CXADR: variants seen among roughly 807,000 people sequenced by gnomAD.
The protein encoded by CXADR is coxsackievirus and adenovirus receptor.
CXADR carries 20 observed loss-of-function variants against 40.3 expected under a neutral mutation model. The ratio of observed to expected loss-of-function variants is 0.50; its 90% CI spans 0.35 to 0.72. The LOEUF (loss-of-function observed/expected upper bound fraction) is 0.72. CXADR is among the 30% of genes least tolerant of loss of function. CXADR has a pLI of 0.01. For synonymous variants in CXADR, 150 were observed against 161.3 expected (o/e 0.93, Z 0.53); for missense variants, 332 against 449.1 (o/e 0.74, Z 2.36).
chr21:17,604,843 TA>T, the CXADR span: 2 of 1,609,340 alleles, frequency 1.2e-6, no homozygotes, highest in Non-Finnish European at 8.5e-7. Flanking sequence ...GTTCAGCCTC[TA>T]AACTTGAGAA....
intron 3 of CXADR, among the ~76,000 whole-genome samples, chr21:17,555,177 A>G (rs181399086): frequency 1.4e-4 from 22 of 152,176 alleles, no homozygotes; most frequent in Non-Finnish European, 2.8e-4. Flanking sequence ...GTTTATTGAA[A>G]CCTTTTGGTA....
the CXADR span, among the ~76,000 whole-genome samples, chr21:17,616,578 G>T: frequency 2.0e-5 from 3 of 151,924 alleles, no homozygotes; most frequent in African/African-American, 4.8e-5. Context: ...CTCATGATCT[G>T]CCAAAACAGT....
chr21:17,578,438 G>A (rs554268773), intron 7 of CXADR, among the ~76,000 whole-genome samples: 3 of 152,354 alleles, frequency 2.0e-5, no homozygotes, highest in East Asian at 3.9e-4. Flanking sequence ...CCTGGGGCAC[G>A]CAGGAACTAA....
chr21:17,626,083 A>G, the CXADR span, among the ~76,000 whole-genome samples: 1 of 152,124 alleles, frequency 6.6e-6, no homozygotes, highest in Non-Finnish European at 1.5e-5. Flanking sequence ...TTTCATTTGC[A>G]GCTGGTCTAC....
rs532541050 is a variant in CXADR at position 17,577,612 on chromosome 21, C to CTTTTTTTTTTTTTTT, written c.1017+12015_1017+12029dup. Among the ~76,000 whole-genome samples, 31 of 36,578 alleles carry CTTTTTTTTTTTTTTT rather than the reference C, an allele frequency of 8.5e-4. 3 individuals are homozygous for CTTTTTTTTTTTTTTT. Among genetic ancestry groups the CTTTTTTTTTTTTTTT allele is most frequent in the South Asian group, 3.8e-3 (2 of 530 alleles). The allele number at this position is 36,578 out of a possible 152,430, so 24.0% of individuals were successfully genotyped here. A position where few individuals can be genotyped will look rare whatever the true frequency, so the allele number is the denominator to read the frequency against. ...CTCACACGTCAGACCATTCTGCAAG[C>CTTTTTTTTTTTTTTT]TTTTTTTTTTTTTTTTTTTTTTTTT... On this transcript the variant is annotated intron_variant, in intron 7 of 7. Transcript: ENST00000400169.
chr21:17,549,027 C>T (rs2060933703), intron 2 of CXADR, among the ~76,000 whole-genome samples: 1 of 152,188 alleles, frequency 6.6e-6, no homozygotes, highest in Non-Finnish European at 1.5e-5. Flanking sequence ...TGGTTAAAAA[C>T]TAGGAATTGG....
Position 17,565,911 on chromosome 21 carries a change from C to T in CXADR, c.*219C>T, listed in dbSNP as rs2061202767. ...AAGAAAAGTTTACCATCTGAAAAAG[C>T]TGGATTTTCTTTAAGAGGTTGATTA... On this transcript the variant is annotated 3_prime_UTR_variant, in exon 7 of 7. Coordinates refer to ENST00000284878, the MANE Select transcript of CXADR (RefSeq NM_001338.5). 5.7e-6 allele frequency: 7 copies of T among 1,221,276 alleles called. No individual in the cohort carries two copies. The highest frequency in any genetic ancestry group is 7.2e-6 in the Non-Finnish European group (7 of 978,498). 75.7% of individuals were successfully genotyped at this position (1,221,276 alleles called of 1,614,324 possible).
At chr21:17,631,674 T>C in the CXADR span, among the ~76,000 whole-genome samples, 1 of 152,052 alleles carries the variant, frequency 6.6e-6, no homozygotes, top group South Asian at 2.1e-4. Flanking sequence ...CATGACAGTA[T>C]TAATGATTTT....
intron 1 of CXADR, among the ~76,000 whole-genome samples, chr21:17,534,162 C>T (rs1465094958): frequency 3.2e-5 from 4 of 123,242 alleles, no homozygotes; most frequent in African/African-American, 1.3e-4. Context: ...GGCTGGAGTG[C>T]AGTGGCGCGA....
chr21:17,618,937 T>C, the CXADR span, among the ~76,000 whole-genome samples: 1 of 152,176 alleles, frequency 6.6e-6, no homozygotes, highest in Admixed American at 6.5e-5. Flanking sequence ...ACAACACTAA[T>C]CTCCTTGTAG....
At chr21:17,630,269 C>T in the CXADR span, among the ~76,000 whole-genome samples, 6 of 152,118 alleles carry the variant, frequency 3.9e-5, no homozygotes, top group African/African-American at 9.7e-5. Flanking sequence ...GAGAGCAAAG[C>T]ACAATGAAGC....
At chr21:17,522,836 C>T (rs1472090174) in intron 1 of CXADR, among the ~76,000 whole-genome samples, 3 of 152,188 alleles carry the variant, frequency 2.0e-5, no homozygotes, top group African/African-American at 7.2e-5. Context: ...CAACTTTACC[C>T]ACATCAAAAC....
intron 5 of CXADR, 42 bp downstream of exon 5, chr21:17,560,866 C>G: frequency 6.2e-7 from 1 of 1,606,934 alleles, no homozygotes; most frequent in Non-Finnish European, 8.5e-7. Flanking sequence ...TTTCTGTTAT[C>G]TTTATACCAC....
At chr21:17,513,216 G>A in intron 1 of CXADR, 44 bp downstream of exon 1, 4 of 1,348,074 alleles carry the variant, frequency 3.0e-6, no homozygotes, top group Non-Finnish European at 3.8e-6. Context: ...CCAGCCCGGG[G>A]GCGCTCGCTG....
chr21:17,543,117 T>G lies in CXADR; in HGVS notation c.44-3910T>G, dbSNP rs973229480. The G allele has an allele frequency of 3.4e-5, 11 of 323,744 alleles. 1 individual carries two copies. The highest frequency in any genetic ancestry group is 2.7e-4 in the South Asian group (11 of 40,178). The allele number at this position is 323,744 out of a possible 1,614,324, so 20.1% of individuals were successfully genotyped here. ...ATCTAAAAGTCATTAAAAAATCGTT[T>G]TAAAATATCATAAGCAGCATACTCA... On this transcript the variant is annotated intron_variant, in intron 1 of 6. Transcript: ENST00000284878.
chr21:17,586,614 T>C (rs987624768), intron 7 of CXADR, among the ~76,000 whole-genome samples: 1 of 151,674 alleles, frequency 6.6e-6, no homozygotes, highest in African/African-American at 2.4e-5. Context: ...TCCTATAGTT[T>C]CATAACTTAC....
Position 17,553,660 on chromosome 21 carries a change from C to T in CXADR, c.415+1707C>T, listed in dbSNP as rs1248162973. Among the ~76,000 whole-genome samples the T allele has an allele frequency of 3.4e-5, 5 of 146,818 alleles. No homozygotes were observed. In the East Asian group the frequency reaches 6.2e-4, roughly 18 times the overall value. Reference sequence around the variant, plus strand: ...TTTTTGAGACCAAGTCTCGCTCTGTCACCCAGGCTGGAGTGCAGTGGCATG... The same window carrying T: ...TTTTTGAGACCAAGTCTCGCTCTGTTACCCAGGCTGGAGTGCAGTGGCATG... On this transcript the variant is annotated intron_variant, in intron 3 of 6. Coordinates refer to ENST00000284878, the MANE Select transcript of CXADR (RefSeq NM_001338.5).
rs117935631 is a variant in CXADR, at chr21:17,557,499, C to T, written c.416-1477C>T. Among the ~76,000 whole-genome samples the T allele has an allele frequency of 9.4e-4, 143 of 152,294 alleles. 6 individuals carry two copies. In the East Asian group the frequency reaches 0.022, roughly 23 times the overall value. ...CCGTGGTTCCTCGTAATGCCGTCCT[C>T]ACTAGTCAATCTGATTTTGATAGAC... On this transcript the variant is annotated intron_variant, in intron 3 of 6. Coordinates refer to ENST00000284878, the MANE Select transcript of CXADR (RefSeq NM_001338.5).
At chr21:17,586,032 A>G (rs941792912) in intron 7 of CXADR, among the ~76,000 whole-genome samples, 3 of 152,192 alleles carry the variant, frequency 2.0e-5, no homozygotes, top group Admixed American at 2.0e-4. Context: ...CGAATATAGT[A>G]TTTAGCTAAG....
Sources: allele counts gnomAD v4.1 joint callset (sites outside exome capture counted in the v4.1 genomes callset), GRCh38; gene constraint gnomAD v4.1.1; transcripts MANE v1.5; gene names NCBI Gene and HGNC (gene_info 2026-07-23, HGNC 2026-07-21).